Variants in MFSD11 observed in about 807,000 individuals in gnomAD.
The protein encoded by MFSD11 is major facilitator superfamily domain containing 11, also known as UNC93-like protein MFSD11.
A neutral mutation model predicts 53.5 loss-of-function variants in MFSD11; 36 were observed. That is an observed-to-expected ratio of 0.67 (90% CI 0.52 to 0.89). MFSD11 has a LOEUF of 0.89. MFSD11 is among the 40% of genes least tolerant of loss of function. MFSD11 has a pLI of 0.00. For synonymous variants in MFSD11, 186 were observed against 184.9 expected, an observed-to-expected ratio of 1.01 and a Z score of -0.05; for missense variants, 530 against 543.9, an observed-to-expected ratio of 0.97 and a Z score of 0.25.
chr17:76,768,921 G>T (rs989944628), intron 9 of MFSD11, among the ~76,000 whole-genome samples: 3 of 151,648 alleles, frequency 2.0e-5, no homozygotes, highest in African/African-American at 7.3e-5. Flanking sequence ...GGGAGGCAGA[G>T]GTTGCAGTGA....
chr17:76,774,122 C>A (rs563129537), intron 10 of MFSD11, among the ~76,000 whole-genome samples: 1 of 152,190 alleles, frequency 6.6e-6, no homozygotes, highest in South Asian at 2.1e-4. Flanking sequence ...GACAGGGTTT[C>A]ACCATGTTGG....
At chr17:76,780,947 A>G (rs894409964), downstream of MFSD11, 7 of 152,220 alleles carry the variant, frequency 4.6e-5, no homozygotes, top group African/African-American at 1.7e-4. Context: ...CTTTAAGCAC[A>G]TTATTTATCA....
chr17:76,787,712 G>A, the MFSD11 span, among the ~76,000 whole-genome samples: 1,533 of 149,628 alleles, frequency 0.01, 84 homozygotes, highest in African/African-American at 0.035. Context: ...ACCCCAAACT[G>A]ACTGAACAGA....
At chr17:76,754,955 C>A (rs1304841553) in intron 8 of MFSD11, among the ~76,000 whole-genome samples, 1 of 152,078 alleles carries the variant, frequency 6.6e-6, no homozygotes, top group African/African-American at 2.4e-5. Flanking sequence ...TGGTGGCTCA[C>A]ACCTGTAATG....
In MFSD11 at chr17:76,770,031, C is replaced by CTTT. The variant is rs367900405; in HGVS notation, c.874+175_874+177dup. On this transcript the variant is annotated intron_variant, in intron 10 of 12. Transcript: ENST00000685175. Reference sequence around the variant, plus strand: ...TTTTTCTATTATTGCTATTCTTTTTCTTTTTTTTTTTTTTTTTCCAGACAG... The same window carrying CTTT: ...TTTTTCTATTATTGCTATTCTTTTTCTTTTTTTTTTTTTTTTTTTTCCAGACAG... Among the ~76,000 whole-genome samples the CTTT allele has an allele frequency of 6.2e-3, 811 of 131,060 alleles. 22 individuals carry two copies. The highest frequency in any genetic ancestry group is 0.023 in the African/African-American group (776 of 34,030). The allele number at this position is 131,060 out of a possible 152,430, so 86.0% of individuals were successfully genotyped here. A position where few individuals can be genotyped will look rare whatever the true frequency, so the allele number is the denominator to read the frequency against.
At chr17:76,786,976 G>A in the MFSD11 span, among the ~76,000 whole-genome samples, 2 of 151,532 alleles carry the variant, frequency 1.3e-5, no homozygotes, top group African/African-American at 2.4e-5. Flanking sequence ...CACCATGCCC[G>A]GCTAATTTTT....
At chr17:76,791,345 G>C in the MFSD11 span, among the ~76,000 whole-genome samples, 1 of 149,058 alleles carries the variant, frequency 6.7e-6, no homozygotes. Flanking sequence ...TCCTGAAAAT[G>C]TTGTCAGATA....
intron 10 of MFSD11, among the ~76,000 whole-genome samples, chr17:76,773,717 C>T (rs1356634012): frequency 6.6e-6 from 1 of 152,106 alleles, no homozygotes; most frequent in Non-Finnish European, 1.5e-5. Flanking sequence ...AAGCGATTCT[C>T]CTGCTTCAGC....
chr17:76,738,788 G>A (rs1426332398), intron 1 of MFSD11, 150 bp from the exon 2 acceptor site: 1 of 662,930 alleles, frequency 1.5e-6, no homozygotes, highest in Non-Finnish European at 2.7e-6. Context: ...CAGTTCTGTT[G>A]TCCTTTTTCT....
chr17:76,774,141 G>A (rs1247958250), intron 10 of MFSD11, among the ~76,000 whole-genome samples: 1 of 151,996 alleles, frequency 6.6e-6, no homozygotes, highest in Non-Finnish European at 1.5e-5. Context: ...GGCCAGGCTG[G>A]TCTCGAACTC....
chr17:76,776,535 T>C lies in MFSD11; in HGVS notation c.1179T>C (p.Phe393=). ...CCCCAGCATTTGCCATCTTCAAGTT[T>C]GTTCAGGTAACCTCTTCAGATTGTG... ...DSAPAFAIFK[F]VQSICAAVAF... Residue 393 remains phenylalanine (F), a synonymous_variant, in exon 12 of 13, where the codon TTT becomes TTC. Coordinates refer to ENST00000685175, the MANE Select transcript of MFSD11 (RefSeq NM_001242532.5). The surrounding 1 kb of genome is among the most constrained non-coding windows in gnomAD (Gnocchi z 4.2). 3 of 1,613,926 alleles carry C rather than the reference T, an allele frequency of 1.9e-6. No homozygotes were observed. Among genetic ancestry groups the C allele is most frequent in the Non-Finnish European group, 1.7e-6 (2 of 1,179,974 alleles).
chr17:76,742,706 A>G (rs1274343624), intron 5 of MFSD11, among the ~76,000 whole-genome samples: 1 of 152,018 alleles, frequency 6.6e-6, no homozygotes, highest in Non-Finnish European at 1.5e-5. Flanking sequence ...GAGTTTCACT[A>G]TGTTGGCCAG....
rs1163756032 is a variant in MFSD11, at chr17:76,743,417, TA to T, written c.458del (p.Tyr153SerfsTer24). The T allele has an allele frequency of 1.3e-6, 2 of 1,583,736 alleles. No individual in the cohort carries two copies. The highest frequency in any genetic ancestry group is 1.7e-6 in the Non-Finnish European group (2 of 1,167,198). On this transcript the variant is annotated frameshift_variant, in exon 6 of 13. Transcript: ENST00000685175. LOFTEE classifies it high-confidence loss of function. ...LQSSLFFGNL[Y>X]IYFAWQGKTQ... ...CCCCAGCTTGTTCTTTGGAAATCTC[TA>T]CATATATTTTGCCTGGCAAGGGAAA...
At chr17:76,741,872 A>C in intron 3 of MFSD11, 97 bp from the exon 4 acceptor site, 1 of 1,574,042 alleles carries the variant, frequency 6.4e-7, no homozygotes, top group Non-Finnish European at 8.6e-7. Context: ...GTTGAGTTTT[A>C]AAAGAAGAGA....
the MFSD11 span, among the ~76,000 whole-genome samples, chr17:76,801,027 A>T: frequency 1.3e-5 from 2 of 151,654 alleles, no homozygotes; most frequent in Admixed American, 1.3e-4. Context: ...CAGTGAGCCG[A>T]GATGGCACAC....
At chr17:76,760,245 T>C (rs2080086698) in intron 8 of MFSD11, among the ~76,000 whole-genome samples, 1 of 148,274 alleles carries the variant, frequency 6.7e-6, no homozygotes, top group Non-Finnish European at 1.5e-5. Context: ...GCCACTTCAC[T>C]CCAGCCTGGG....
the MFSD11 span, among the ~76,000 whole-genome samples, chr17:76,786,722 G>A: frequency 1.3e-5 from 2 of 152,226 alleles, no homozygotes; most frequent in Non-Finnish European, 2.9e-5. Context: ...TTTTACTGAA[G>A]TCTGGTCACA....
chr17:76,749,218 T>C (rs1411883692), intron 7 of MFSD11, among the ~76,000 whole-genome samples: 1 of 152,122 alleles, frequency 6.6e-6, no homozygotes, highest in Non-Finnish European at 1.5e-5. Flanking sequence ...AGCCACAGGA[T>C]GAATGTGATG....
the MFSD11 span, among the ~76,000 whole-genome samples, chr17:76,802,426 A>G: frequency 1.3e-5 from 2 of 152,262 alleles, no homozygotes; most frequent in African/African-American, 4.8e-5. Flanking sequence ...TCAAAATATT[A>G]CACATAAACC....
Sources: gnomAD v4.1 joint callset for allele counts (sites outside exome capture counted in the v4.1 genomes callset) on GRCh38, gnomAD v4.1.1 for gene constraint, Gnocchi (gnomAD v3.1) non-coding constraint, MANE v1.5 for transcripts, NCBI Gene and HGNC (gene_info 2026-07-23, HGNC 2026-07-21) for gene names.